CCDC191: variants seen among roughly 807,000 people sequenced by gnomAD.
CCDC191 encodes coiled-coil domain-containing protein 191.
A neutral mutation model predicts 114.0 loss-of-function variants in CCDC191; 99 were observed. That is an observed-to-expected ratio of 0.87 (90% CI 0.74 to 1.03). The LOEUF (loss-of-function observed/expected upper bound fraction) is 1.03, where lower values mean the gene tolerates loss of function less well. Among genes scored for constraint, CCDC191 ranks in the 50% least tolerant of loss-of-function variants. The pLI, the probability that CCDC191 is intolerant of heterozygous loss-of-function variation, is 0.00. For missense variants in CCDC191, 973 were observed against 1,087.0 expected (o/e 0.90, Z 1.47); for synonymous variants, 351 against 376.0 (o/e 0.93, Z 0.77).
chr3:114,031,451 T>C (rs1274613308), intron 7 of CCDC191, among the ~76,000 whole-genome samples, 175 bp downstream of exon 7: 1 of 152,116 alleles, frequency 6.6e-6, no homozygotes, highest in Non-Finnish European at 1.5e-5. Context: ...AACAGGGGAT[T>C]TGTGTACTGC....
intron 4 of CCDC191, among the ~76,000 whole-genome samples, chr3:114,038,415 T>C (rs1255822776): frequency 6.6e-6 from 1 of 152,210 alleles, no homozygotes; most frequent in Admixed American, 6.5e-5. Context: ...CACAATGCAT[T>C]ACTCATGTGT....
At chr3:114,025,630 G>T (rs1209687104) in intron 7 of CCDC191, among the ~76,000 whole-genome samples, 1 of 152,046 alleles carries the variant, frequency 6.6e-6, no homozygotes, top group Non-Finnish European at 1.5e-5. Flanking sequence ...AAATTCTCTG[G>T]GTTCTTTACA....
intron 13 of CCDC191, among the ~76,000 whole-genome samples, chr3:113,986,777 GTGCT>G (rs1172668772): frequency 1.6e-4 from 25 of 152,120 alleles, no homozygotes; most frequent in Admixed American, 1.6e-3. Context: ...ATACCGTGGT[GTGCT>G]TGCTTGCTCT....
chr3:114,035,064 C>A lies in CCDC191; in HGVS notation c.679G>T (p.Ala227Ser). ...TTCTCTTCTTGCACCAGACACTGAG[C>A]CTCCAAGAAGGCCGATTTTTTCAGG... ...KTLKKSAFLE[A>S]QCLVQEEKKR... Residue 227 changes from alanine (A) to serine (S), a missense_variant, in exon 6 of 17, where the codon GCT becomes TCT. Ala to Ser is a moderately conservative substitution (Grantham distance 99). Transcript: ENST00000295878. 1 of 1,614,096 alleles carries A rather than the reference C, an allele frequency of 6.2e-7. No homozygotes were observed. The highest frequency in any genetic ancestry group is 1.1e-5 in the South Asian group (1 of 91,086).
intron 6 of CCDC191, among the ~76,000 whole-genome samples, 174 bp downstream of exon 6, chr3:114,034,751 G>A (rs148080726): frequency 1.1e-3 from 169 of 152,274 alleles, no homozygotes; most frequent in African/African-American, 3.7e-3. Flanking sequence ...AAGGGACCAC[G>A]TCAGGAGGAA....
At chr3:114,030,903 T>C (rs2076395429) in intron 7 of CCDC191, among the ~76,000 whole-genome samples, 1 of 152,136 alleles carries the variant, frequency 6.6e-6, no homozygotes, top group Non-Finnish European at 1.5e-5. Context: ...GTGGGTGTTG[T>C]AGGATATGTA....
intron 9 of CCDC191, among the ~76,000 whole-genome samples, chr3:114,008,928 G>A (rs1318095160): frequency 6.6e-5 from 10 of 152,102 alleles, no homozygotes; most frequent in Admixed American, 6.5e-4. Context: ...AAACCAGGAT[G>A]GTATAGTCTA....
In CCDC191 at chr3:114,003,169, A is replaced by G. The variant is rs1037403696; in HGVS notation, c.1979-631T>C. 6.1e-5 allele frequency: 60 copies of G among 985,434 alleles called. No homozygotes were observed. In the African/African-American group the frequency reaches 9.6e-4, roughly 16 times the overall value. 61.0% of individuals were successfully genotyped at this position (985,434 alleles called of 1,614,324 possible). ...ACTCCTGTTCTTGACAGGCTATTAAATATCGATCCAAAAGAAACAAATGTG... is the reference window on the plus strand; with the variant it reads ...ACTCCTGTTCTTGACAGGCTATTAAGTATCGATCCAAAAGAAACAAATGTG... On this transcript the variant is annotated intron_variant, in intron 11 of 16. Transcript: ENST00000295878.
chr3:114,034,593 C>T (rs1026988578), intron 6 of CCDC191, among the ~76,000 whole-genome samples: 2 of 152,036 alleles, frequency 1.3e-5, no homozygotes, highest in African/African-American at 2.4e-5. Context: ...GAAACATTTA[C>T]CAGTATGGGG....
intron 14 of CCDC191, among the ~76,000 whole-genome samples, chr3:113,979,311 G>A (rs148145044): frequency 1.3e-5 from 2 of 152,268 alleles, no homozygotes; most frequent in African/African-American, 4.8e-5. Context: ...GTTTTGGAGT[G>A]GGTAGCTGGC....
chr3:113,974,892 A>G (rs1342377140), intron 16 of CCDC191, among the ~76,000 whole-genome samples: 8 of 151,648 alleles, frequency 5.3e-5, no homozygotes, highest in Non-Finnish European at 7.4e-5. Flanking sequence ...CTAATCTTTT[A>G]TGTTTTCTAC....
At chr3:113,970,967 T>C (rs1383817882) in intron 16 of CCDC191, among the ~76,000 whole-genome samples, 1 of 152,176 alleles carries the variant, frequency 6.6e-6, no homozygotes, top group Non-Finnish European at 1.5e-5. Flanking sequence ...CAGTCTATCA[T>C]TGTTGGACAT....
At chr3:114,029,394 A>G (rs2076372483) in intron 7 of CCDC191, among the ~76,000 whole-genome samples, 1 of 152,234 alleles carries the variant, frequency 6.6e-6, no homozygotes, top group Admixed American at 6.5e-5. Context: ...ATACATAAAT[A>G]CACATATACA....
intron 13 of CCDC191, among the ~76,000 whole-genome samples, chr3:113,999,174 A>G (rs967280003): frequency 6.6e-6 from 1 of 152,284 alleles, no homozygotes; most frequent in Non-Finnish European, 1.5e-5. Flanking sequence ...AGAATGGTAC[A>G]CTATTACCCC....
At chr3:114,042,955 T>G (rs73232537) in intron 3 of CCDC191, 109 bp from the exon 4 acceptor site, 15,002 of 1,046,438 alleles carry the variant, frequency 0.014, 169 homozygotes, top group South Asian at 0.018. Flanking sequence ...TCGTGTCAAG[T>G]ACTGTTCTAG....
chr3:114,036,033 T>C (rs2076478257), intron 5 of CCDC191, among the ~76,000 whole-genome samples: 1 of 152,230 alleles, frequency 6.6e-6, no homozygotes. Flanking sequence ...TCAGTCTTAG[T>C]TCTGGATTCT....
chr3:113,991,226 A>T (rs1440714992), intron 13 of CCDC191, among the ~76,000 whole-genome samples: 1 of 137,308 alleles, frequency 7.3e-6, no homozygotes, highest in Non-Finnish European at 1.6e-5. Flanking sequence ...ACACAGTGAG[A>T]CTCCAAAAAA....
intron 3 of CCDC191, among the ~76,000 whole-genome samples, chr3:114,046,210 AG>A (rs2076627383): frequency 6.6e-6 from 1 of 152,234 alleles, no homozygotes; most frequent in African/African-American, 2.4e-5. Flanking sequence ...TCTGGGACAT[AG>A]GAAGGTTAAA....
intron 2 of CCDC191, among the ~76,000 whole-genome samples, chr3:114,048,811 T>C (rs1344406153): frequency 1.3e-5 from 2 of 152,228 alleles, no homozygotes; most frequent in African/African-American, 2.4e-5. Flanking sequence ...GGAATTCTTA[T>C]CTTCTTCTCA....
Sources: allele counts gnomAD v4.1 joint callset (sites outside exome capture counted in the v4.1 genomes callset), GRCh38; gene constraint gnomAD v4.1.1; transcripts MANE v1.5; gene names NCBI Gene and HGNC (gene_info 2026-07-23, HGNC 2026-07-21).